CHN1: variants seen among roughly 807,000 people sequenced by gnomAD.
CHN1 encodes N-chimaerin.
A neutral mutation model predicts 59.5 loss-of-function variants in CHN1; 37 were observed. The observed-to-expected ratio is 0.62, with a 90% CI of 0.48 to 0.82. The LOEUF is 0.82. Ranked by LOEUF, CHN1 falls within the 40% of genes least tolerant of loss-of-function variation. CHN1 has a pLI of 0.00. For synonymous variants in CHN1, 206 were observed against 200.4 expected (o/e 1.03, Z -0.24); for missense variants, 469 against 571.0 (o/e 0.82, Z 1.82).
chr2:174,880,705 G>T (rs1458961784), intron 5 of CHN1, among the ~76,000 whole-genome samples: 1 of 152,090 alleles, frequency 6.6e-6, no homozygotes, highest in Non-Finnish European at 1.5e-5. Flanking sequence ...AACCCCAGTG[G>T]TAAAAAGATA....
Position 174,979,374 on chromosome 2 carries a change from T to C in CHN1, c.19+25520A>G, listed in dbSNP as rs568545141. The stretch of plus-strand genomic sequence containing the variant: ...TTTTCTGGATTGCACACTTATCTAT[T>C]TTTAAAAAAAGAAAGATCAATTTAC... On this transcript the variant is annotated intron_variant, in intron 1 of 12. Transcript: ENST00000409900. 1.1e-4 allele frequency among the ~76,000 whole-genome samples: 17 copies of C among 152,296 alleles called. 1 individual carries two copies. The highest frequency in any genetic ancestry group is 3.3e-4 in the Admixed American group (5 of 15,290).
At chr2:174,809,951 T>G (rs1346129704) in intron 10 of CHN1, among the ~76,000 whole-genome samples, 1 of 152,188 alleles carries the variant, frequency 6.6e-6, no homozygotes, top group Non-Finnish European at 1.5e-5. Context: ...CTCAGAATAG[T>G]CAGCTTTCCA....
intron 7 of CHN1, among the ~76,000 whole-genome samples, chr2:174,831,403 A>G (rs1277682639): frequency 6.6e-6 from 1 of 152,190 alleles, no homozygotes; most frequent in Non-Finnish European, 1.5e-5. Flanking sequence ...TTAATGCTAG[A>G]ACACAAACAC....
intron 11 of CHN1, among the ~76,000 whole-genome samples, chr2:174,803,984 GC>G (rs1684808910): frequency 6.6e-6 from 1 of 152,170 alleles, no homozygotes; most frequent in Non-Finnish European, 1.5e-5. Flanking sequence ...TGTCGGGTGA[GC>G]AAAAAACATC....
chr2:174,943,070 A>C (rs1469718918), intron 3 of CHN1, among the ~76,000 whole-genome samples: 1 of 152,066 alleles, frequency 6.6e-6, no homozygotes, highest in African/African-American at 2.4e-5. Context: ...TAAAAAGTTA[A>C]GTAAATAAGT....
At chr2:174,921,447 T>C (rs1403583103) in intron 3 of CHN1, among the ~76,000 whole-genome samples, 2 of 152,220 alleles carry the variant, frequency 1.3e-5, no homozygotes, top group Non-Finnish European at 2.9e-5. Flanking sequence ...CAACCGATTA[T>C]AACATCTGCC....
At chr2:174,924,766 G>C (rs1042464340) in intron 3 of CHN1, among the ~76,000 whole-genome samples, 1 of 152,128 alleles carries the variant, frequency 6.6e-6, no homozygotes, top group Non-Finnish European at 1.5e-5. Flanking sequence ...ATCAAATGAG[G>C]AACTTCAAGT....
At chr2:174,977,821 G>A (rs1329139722) in intron 1 of CHN1, among the ~76,000 whole-genome samples, 1 of 151,992 alleles carries the variant, frequency 6.6e-6, no homozygotes, top group Non-Finnish European at 1.5e-5. Flanking sequence ...CAATGGTAGT[G>A]GGTTATCAAA....
At chr2:174,823,438 T>C (rs1395042465) in intron 8 of CHN1, among the ~76,000 whole-genome samples, 1 of 151,764 alleles carries the variant, frequency 6.6e-6, no homozygotes, top group Non-Finnish European at 1.5e-5. Flanking sequence ...CTGAGGCGGG[T>C]GGATCACGAG....
At chr2:174,994,569 A>C (rs2105466990) in intron 1 of CHN1, among the ~76,000 whole-genome samples, 1 of 152,328 alleles carries the variant, frequency 6.6e-6, no homozygotes, top group Non-Finnish European at 1.5e-5. Context: ...CTATTACGTC[A>C]CCACACAATA....
At chr2:174,856,721 A>G (rs1686910703) in intron 6 of CHN1, among the ~76,000 whole-genome samples, 1 of 152,164 alleles carries the variant, frequency 6.6e-6, no homozygotes, top group Admixed American at 6.6e-5. Flanking sequence ...TCTAAGTCTC[A>G]GGCCTGGGGA....
intron 1 of CHN1, among the ~76,000 whole-genome samples, chr2:174,986,448 A>G (rs1343948782): frequency 1.3e-5 from 2 of 152,246 alleles, no homozygotes; most frequent in African/African-American, 4.8e-5. Context: ...GATACATAGT[A>G]TGTAAAGACG....
At chr2:174,858,267 G>C (rs1686966275) in intron 6 of CHN1, among the ~76,000 whole-genome samples, 1 of 152,106 alleles carries the variant, frequency 6.6e-6, no homozygotes, top group African/African-American at 2.4e-5. Flanking sequence ...ACCACAGTTT[G>C]ATTAGAATAT....
rs548053789 is a variant in CHN1, at chr2:174,949,901, G to A, written c.58+2263C>T. Among the ~76,000 whole-genome samples, 16 of 151,928 alleles carry A rather than the reference G, an allele frequency of 1.1e-4. No homozygotes were observed. The East Asian group carries it at 1.4e-3, about 13-fold the overall frequency. On this transcript the variant is annotated intron_variant, in intron 2 of 12. Transcript: ENST00000409900. The stretch of plus-strand genomic sequence containing the variant: ...ACATTTCTACTGTTAAAATGATTAC[G>A]GGGAGTTCAGACATTGAAGTCATTA...
At chr2:174,868,925 C>A (rs773387246) in intron 6 of CHN1, among the ~76,000 whole-genome samples, 3 of 152,192 alleles carry the variant, frequency 2.0e-5, no homozygotes, top group Non-Finnish European at 4.4e-5. Context: ...GATAGTTTTT[C>A]TCACTGTGGT....
chr2:174,871,159 C>T (rs1475737195), intron 6 of CHN1, among the ~76,000 whole-genome samples: 2 of 147,694 alleles, frequency 1.4e-5, no homozygotes, highest in African/African-American at 4.9e-5. Context: ...AATTGATGGC[C>T]ATGAGCTTGG....
At chr2:174,992,741 G>A (rs1461189967) in intron 1 of CHN1, among the ~76,000 whole-genome samples, 1 of 151,912 alleles carries the variant, frequency 6.6e-6, no homozygotes, top group Non-Finnish European at 1.5e-5. Flanking sequence ...GCATAGCCCA[G>A]TTTTACCAAG....
At chr2:174,884,145 A>AT (rs879477582) in intron 5 of CHN1, among the ~76,000 whole-genome samples, 7 of 151,320 alleles carry the variant, frequency 4.6e-5, no homozygotes, top group Admixed American at 2.0e-4. Context: ...ATTTTTTTGT[A>AT]TTTTTTTAGT....
chr2:174,948,059 T>C (rs1310196402), intron 2 of CHN1, among the ~76,000 whole-genome samples: 2 of 152,190 alleles, frequency 1.3e-5, no homozygotes, highest in Admixed American at 1.3e-4. Flanking sequence ...AATGAGTATA[T>C]ACTTATTAAT....
Sources: allele counts gnomAD v4.1 joint callset (sites outside exome capture counted in the v4.1 genomes callset), GRCh38; gene constraint gnomAD v4.1.1; transcripts MANE v1.5; gene names NCBI Gene and HGNC (gene_info 2026-07-23, HGNC 2026-07-21).